COL25A1: variants seen among roughly 807,000 people sequenced by gnomAD.
COL25A1 encodes collagen alpha-1(XXV) chain.
COL25A1 carries 103 observed loss-of-function variants against 128.4 expected under a neutral mutation model. The observed-to-expected ratio is 0.80, with a 90% CI of 0.68 to 0.94. COL25A1 has a LOEUF of 0.94. COL25A1 is among the 40% of genes least tolerant of loss of function. The pLI is 0.00. For synonymous variants in COL25A1, 279 were observed against 277.2 expected (o/e 1.01, Z -0.06); for missense variants, 745 against 840.0 (o/e 0.89, Z 1.40).
chr4:109,147,546 G>T (rs968336336), intron 3 of COL25A1, among the ~76,000 whole-genome samples: 4 of 152,146 alleles, frequency 2.6e-5, no homozygotes, highest in African/African-American at 9.7e-5. Flanking sequence ...GCTGGGCATG[G>T]TGGTTCACGT....
rs374044942 is a variant in COL25A1, at chr4:109,229,425, C to A, written c.367+71158G>T. Among the ~76,000 whole-genome samples, 420 of 152,206 alleles carry A rather than the reference C, an allele frequency of 2.8e-3. 4 individuals carry two copies. The highest frequency in any genetic ancestry group is 4.7e-3 in the Non-Finnish European group (319 of 68,004). On this transcript the variant is annotated intron_variant, in intron 3 of 37. Transcript: ENST00000399132. ...TCATGTATGTTTTTGTTTAAAGATA[C>A]CTTATTTAATATATATTGTTGATTC...
At chr4:109,272,681 G>C (rs1361142853) in intron 3 of COL25A1, among the ~76,000 whole-genome samples, 1 of 152,280 alleles carries the variant, frequency 6.6e-6, no homozygotes, top group African/African-American at 2.4e-5. Flanking sequence ...ATGCAAAGTG[G>C]TATTACTATA....
chr4:109,001,192 T>C (rs1056248783), intron 6 of COL25A1, among the ~76,000 whole-genome samples: 1 of 152,188 alleles, frequency 6.6e-6, no homozygotes, highest in Admixed American at 6.5e-5. Flanking sequence ...TGATATATAA[T>C]TGTATTAGGA....
intron 3 of COL25A1, among the ~76,000 whole-genome samples, chr4:109,109,434 T>C (rs1300986928): frequency 2.0e-5 from 3 of 152,236 alleles, no homozygotes; most frequent in Non-Finnish European, 4.4e-5. Context: ...GTTTTTGCCA[T>C]GTTGGCCAGG....
chr4:109,118,460 A>T (rs568671664), intron 3 of COL25A1, among the ~76,000 whole-genome samples: 1 of 152,064 alleles, frequency 6.6e-6, no homozygotes, highest in South Asian at 2.1e-4. Context: ...ATCACGTTGT[A>T]CTTCATAAAT....
At chr4:109,107,099 T>G (rs1766509445) in intron 3 of COL25A1, among the ~76,000 whole-genome samples, 1 of 151,908 alleles carries the variant, frequency 6.6e-6, no homozygotes, top group Admixed American at 6.6e-5. Flanking sequence ...TTCAAAAAGT[T>G]TTTTTTAAAC....
At chr4:109,144,899 T>G (rs1226722660) in intron 3 of COL25A1, among the ~76,000 whole-genome samples, 3 of 152,212 alleles carry the variant, frequency 2.0e-5, no homozygotes, top group Non-Finnish European at 2.9e-5. Context: ...ACTGCACAAT[T>G]GTTTCAGGTA....
intron 3 of COL25A1, among the ~76,000 whole-genome samples, chr4:109,242,408 G>A (rs1158814727): frequency 6.6e-6 from 1 of 152,026 alleles, no homozygotes; most frequent in Non-Finnish European, 1.5e-5. Flanking sequence ...CACTCAATTT[G>A]TCAAAGTTTT....
intron 11 of COL25A1, among the ~76,000 whole-genome samples, chr4:108,923,100 T>C (rs565339849): frequency 1.9e-4 from 29 of 152,330 alleles, no homozygotes; most frequent in African/African-American, 6.5e-4. Flanking sequence ...ATTTTACTTA[T>C]ATGCATTTGT....
In COL25A1 at chr4:108,994,747, C is replaced by G. The variant is rs1754589331; in HGVS notation, c.438+15611G>C. Among the ~76,000 whole-genome samples the G allele has an allele frequency of 4.6e-5, 7 of 152,272 alleles. No individual in the cohort carries two copies. In the South Asian group the frequency reaches 1.2e-3, roughly 27 times the overall value. ...ACACCTCATACAGGCGGGTGCCCCTCTGGGACAAAGCTTCCAGAGGAAGGA... is the reference window on the plus strand; with the variant it reads ...ACACCTCATACAGGCGGGTGCCCCTGTGGGACAAAGCTTCCAGAGGAAGGA... On this transcript the variant is annotated intron_variant, in intron 6 of 37. Coordinates refer to ENST00000399132, the MANE Select transcript of COL25A1 (RefSeq NM_198721.4).
chr4:108,819,372 T>C (rs1371889884), intron 35 of COL25A1, 43 bp from the exon 36 acceptor site: 4 of 1,497,590 alleles, frequency 2.7e-6, no homozygotes, highest in Non-Finnish European at 3.7e-6. Flanking sequence ...ACACAAGAAA[T>C]CACTTAAGCA....
Position 109,124,901 on chromosome 4 carries a change from G to C in COL25A1, c.368-74722C>G, listed in dbSNP as rs530843928. Among the ~76,000 whole-genome samples the C allele has an allele frequency of 3.9e-5, 6 of 152,074 alleles. No individual in the cohort carries two copies. The South Asian group carries it at 1.2e-3, about 32-fold the overall frequency. On this transcript the variant is annotated intron_variant, in intron 3 of 37. Transcript: ENST00000399132. ...CCCCCTTAACTTAAACTAGGAATTT[G>C]TCAATGAATATATTTAACTGTGTTT...
At chr4:108,856,371 T>C (rs368817710) in intron 24 of COL25A1, among the ~76,000 whole-genome samples, 41 of 152,318 alleles carry the variant, frequency 2.7e-4, no homozygotes, top group African/African-American at 9.4e-4. Flanking sequence ...TCTAATATGG[T>C]ATGATTATAA....
chr4:108,969,421 A>T (rs186200251), intron 8 of COL25A1, among the ~76,000 whole-genome samples: 2 of 152,346 alleles, frequency 1.3e-5, no homozygotes. Context: ...AGGCCAAGAG[A>T]TTCACAGACT....
At chr4:109,263,070 A>G (rs980709305) in intron 3 of COL25A1, among the ~76,000 whole-genome samples, 12 of 152,176 alleles carry the variant, frequency 7.9e-5, no homozygotes, top group Non-Finnish European at 1.0e-4. Flanking sequence ...CTGAGGTTGC[A>G]GTGAGCCAAG....
intron 6 of COL25A1, among the ~76,000 whole-genome samples, chr4:109,000,376 C>T (rs1755227391): frequency 6.6e-6 from 1 of 152,118 alleles, no homozygotes; most frequent in African/African-American, 2.4e-5. Context: ...GATAGTTTGT[C>T]AGTGGTAAAG....
intron 3 of COL25A1, among the ~76,000 whole-genome samples, chr4:109,280,099 A>T (rs761690550): frequency 1.1e-4 from 17 of 152,252 alleles, no homozygotes; most frequent in Non-Finnish European, 2.4e-4. Flanking sequence ...AGAAACAAAG[A>T]TAAAAATTAA....
At chr4:108,969,326 G>T (rs939930227) in intron 8 of COL25A1, among the ~76,000 whole-genome samples, 1 of 152,162 alleles carries the variant, frequency 6.6e-6, no homozygotes, top group Non-Finnish European at 1.5e-5. Flanking sequence ...TCTTGATTCA[G>T]ACTCTTTCCT....
At chr4:109,248,525 T>C (rs912190671) in intron 3 of COL25A1, among the ~76,000 whole-genome samples, 6 of 152,122 alleles carry the variant, frequency 3.9e-5, no homozygotes, top group Admixed American at 3.9e-4. Context: ...TGACACAGCA[T>C]TTCAGAAGTA....
Sources: gnomAD v4.1 joint callset for allele counts (sites outside exome capture counted in the v4.1 genomes callset) on GRCh38, gnomAD v4.1.1 for gene constraint, MANE v1.5 for transcripts, NCBI Gene and HGNC (gene_info 2026-07-23, HGNC 2026-07-21) for gene names.